FNDC7: variants seen among roughly 807,000 people sequenced by gnomAD.
The protein encoded by FNDC7 is fibronectin type III domain-containing protein 7.
FNDC7 carries 66 observed loss-of-function variants against 74.2 expected under a neutral mutation model. That is an observed-to-expected ratio of 0.89 (90% CI 0.73 to 1.09). FNDC7 has a LOEUF of 1.09. Among genes scored for constraint, FNDC7 ranks in the 50% least tolerant of loss-of-function variants. FNDC7 has a pLI of 0.00. For synonymous variants in FNDC7, 307 were observed against 330.2 expected, an observed-to-expected ratio of 0.93 and a Z score of 0.76; for missense variants, 829 against 893.4, an observed-to-expected ratio of 0.93 and a Z score of 0.92.
chr1:108,716,557 G>A (rs559749408), intron 2 of FNDC7, among the ~76,000 whole-genome samples: 2 of 152,250 alleles, frequency 1.3e-5, no homozygotes, highest in East Asian at 3.9e-4. Flanking sequence ...CCTGGGTGAT[G>A]TTCAAGGAAT....
Position 108,724,023 on chromosome 1 carries a change from A to G in FNDC7, c.856+1431A>G, listed in dbSNP as rs555103232. Among the ~76,000 whole-genome samples the G allele has an allele frequency of 3.9e-5, 6 of 152,354 alleles. No homozygotes were observed. In the East Asian group the frequency reaches 7.7e-4, roughly 20 times the overall value. ...ATTAATAAAAGAACTATGTTTACAA[A>G]CTACGGTGTGTCTCCTGGGGCCCAG... On this transcript the variant is annotated intron_variant, in intron 5 of 12. Transcript: ENST00000370017.
At chr1:108,714,654 G>C (rs562328675) in intron 2 of FNDC7, among the ~76,000 whole-genome samples, 1 of 132,214 alleles carries the variant, frequency 7.6e-6, no homozygotes, top group South Asian at 2.6e-4. Flanking sequence ...GCCCAGGCTG[G>C]AGTGCAGTGG....
intron 12 of FNDC7, 30 bp from the exon 13 acceptor site, chr1:108,741,895 G>C: frequency 1.5e-6 from 2 of 1,299,420 alleles, no homozygotes; most frequent in South Asian, 1.2e-5. Flanking sequence ...TTTTGTCTTT[G>C]TTTAAAATGT....
chr1:108,737,523 G>T lies in FNDC7; in HGVS notation c.2169G>T (p.Met723Ile). Residue 723 changes from methionine to isoleucine, a missense_variant and splice_region_variant, in exon 11 of 13, where the codon ATG becomes ATT. Physicochemically the swap from Met to Ile is conservative, Grantham distance 10. Transcript: ENST00000370017. ...SVTCSGSTLG[M>I]VIYRGKRNEE The stretch of plus-strand genomic sequence containing the variant: ...CTTGCTCTGGAAGTACACTTGGAAT[G>T]GGTAAGTCATTTTTCTCATGGATAA... The T allele has an allele frequency of 6.3e-7, 1 of 1,589,872 alleles. No homozygotes were observed. Among genetic ancestry groups the T allele is most frequent in the South Asian group, 1.2e-5 (1 of 85,774 alleles).
intron 9 of FNDC7, among the ~76,000 whole-genome samples, chr1:108,732,894 C>T (rs111816441): frequency 2.6e-4 from 40 of 152,168 alleles, no homozygotes; most frequent in African/African-American, 9.4e-4. Flanking sequence ...CTGCCTCATC[C>T]TCCCAAGGGG....
rs1274676169 is a variant in FNDC7 at position 108,713,573 on chromosome 1, T to G, written c.82+44T>G. The G allele has an allele frequency of 2.0e-6, 3 of 1,510,340 alleles. No homozygotes were observed. In the African/African-American group the frequency reaches 4.2e-5, roughly 21 times the overall value. 93.6% of individuals were successfully genotyped at this position (1,510,340 alleles called of 1,614,324 possible). A position where few individuals can be genotyped will look rare whatever the true frequency, so the allele number is the denominator to read the frequency against. Reference sequence around the variant, plus strand: ...CAAGTTTTTCCTTCTCGTATTTGATTTTAATTTCCATTGTTAATTCACGGG... The same window carrying G: ...CAAGTTTTTCCTTCTCGTATTTGATGTTAATTTCCATTGTTAATTCACGGG... On this transcript the variant is annotated intron_variant, in intron 2 of 12. Coordinates refer to ENST00000370017, the MANE Select transcript of FNDC7 (RefSeq NM_001144937.3).
Position 108,725,817 on chromosome 1 carries a change from C to T in FNDC7, c.924C>T (p.Ser308=), listed in dbSNP as rs1306159128. ...CTGGCCACCTGTCTGTGGCTTGGTC[C>T]AGTGTAGATCTGGGTGACTACTATG... ...DPPGHLSVAW[S]SVDLGDYYVV... The change falls in exon 6 of 13, where the codon TCC becomes TCT. Residue 308 remains serine, a synonymous_variant. Transcript: ENST00000370017. The T allele has an allele frequency of 6.2e-7, 1 of 1,614,150 alleles. No individual in the cohort carries two copies.
intron 2 of FNDC7, 57 bp downstream of exon 2, chr1:108,713,586 G>T (rs1660916492): frequency 1.4e-6 from 2 of 1,433,244 alleles, no homozygotes; most frequent in Non-Finnish European, 1.9e-6. Context: ...AATTTCCATT[G>T]TTAATTCACG....
intron 6 of FNDC7, 121 bp from the exon 7 acceptor site, chr1:108,727,687 C>A (rs1006327310): frequency 8.4e-7 from 1 of 1,191,186 alleles, no homozygotes. Context: ...CATAGGGAGT[C>A]ACTGTAGTCA....
rs929598818 is a variant in FNDC7, at chr1:108,728,041, T to C, written c.1345T>C (p.Cys449Arg). 3 of 1,614,126 alleles carry C rather than the reference T, an allele frequency of 1.9e-6. No individual in the cohort carries two copies. The highest frequency in any genetic ancestry group is 1.3e-5 in the African/African-American group (1 of 75,034). Residue 449 changes from cysteine (C) to arginine (R), a missense_variant, in exon 7 of 13, where the codon TGT (cysteine) becomes CGT (arginine). Transcript: ENST00000370017. The part of the protein sequence containing the change: ...FNEVRGSNMS[C>R]TPQFITTAPC... ...TGAAGTCCGAGGCAGCAATATGTCA[T>C]GTACTCCCCAGTTCATAACCACAGG...
intron 6 of FNDC7, among the ~76,000 whole-genome samples, chr1:108,727,372 CTG>C (rs1661242646): frequency 6.6e-6 from 1 of 152,084 alleles, no homozygotes; most frequent in Admixed American, 6.6e-5. Flanking sequence ...ACTTATATAA[CTG>C]TGAGCCCTAC....
Position 108,724,922 on chromosome 1 carries a change from A to C in FNDC7, c.857-828A>C, listed in dbSNP as rs150700524. ...ATGGTGAAACTTTGTCTCTACTAAA[A>C]GTACAAAAATTAGTTGGGCATGGTG... On this transcript the variant is annotated intron_variant, in intron 5 of 12. Transcript: ENST00000370017. Among the ~76,000 whole-genome samples, 247 of 151,996 alleles carry C rather than the reference A, an allele frequency of 1.6e-3. 4 individuals are homozygous for C. In the East Asian group the frequency reaches 0.028, roughly 17 times the overall value.
At chr1:108,722,708 T>A in intron 5 of FNDC7, 116 bp downstream of exon 5, 2 of 1,113,506 alleles carry the variant, frequency 1.8e-6, no homozygotes, top group Non-Finnish European at 1.2e-6. Flanking sequence ...AAGCCTGGTC[T>A]AAATGAAAGC....
At chr1:108,717,265 C>T (rs1365721840) in intron 2 of FNDC7, among the ~76,000 whole-genome samples, 2 of 152,150 alleles carry the variant, frequency 1.3e-5, no homozygotes, top group African/African-American at 2.4e-5. Flanking sequence ...ATCTGGAAAA[C>T]GTGCAAAGTG....
chr1:108,729,294 A>G (rs981243539), intron 8 of FNDC7, among the ~76,000 whole-genome samples: 5 of 152,212 alleles, frequency 3.3e-5, no homozygotes, highest in African/African-American at 1.2e-4. Flanking sequence ...TCACGCCTGT[A>G]ATCCCAGCAC....
chr1:108,723,935 T>C (rs981011921), intron 5 of FNDC7, among the ~76,000 whole-genome samples: 1 of 152,226 alleles, frequency 6.6e-6, no homozygotes, highest in East Asian at 1.9e-4. Flanking sequence ...ACTTAACAGG[T>C]CCAGGATGTT....
Position 108,718,006 on chromosome 1 carries a change from G to A in FNDC7, c.312G>A (p.Ala104=), listed in dbSNP as rs190038007. The A allele has an allele frequency of 2.0e-5, 31 of 1,551,678 alleles. No individual in the cohort carries two copies. Among genetic ancestry groups the A allele is most frequent in the Non-Finnish European group, 2.4e-5 (27 of 1,146,998 alleles). Residue 104 remains alanine, a synonymous_variant, in exon 3 of 13, where the codon GCG becomes GCA. Transcript: ENST00000370017. ...RSISAAGRSQ[A]SPPKQAKTVL... is the part of the protein sequence containing the mutation. The stretch of plus-strand genomic sequence containing the variant: ...TCAGCGCTGCTGGGAGAAGCCAGGC[G>A]TCACCTCCAAAGCAGGCAAAGACAG...
At chr1:108,718,470 G>A (rs1170927331) in intron 3 of FNDC7, among the ~76,000 whole-genome samples, 2 of 152,178 alleles carry the variant, frequency 1.3e-5, no homozygotes, top group Non-Finnish European at 2.9e-5. Flanking sequence ...GAAAAGTTAT[G>A]TGCACATTAA....
At chr1:108,730,231 G>T (rs1661311887) in intron 8 of FNDC7, among the ~76,000 whole-genome samples, 1 of 152,060 alleles carries the variant, frequency 6.6e-6, no homozygotes, top group South Asian at 2.1e-4. Context: ...ACAAAAATTA[G>T]CTGGGCATGG....
Sources: gnomAD v4.1 joint callset for allele counts (sites outside exome capture counted in the v4.1 genomes callset) on GRCh38, gnomAD v4.1.1 for gene constraint, MANE v1.5 for transcripts, NCBI Gene and HGNC (gene_info 2026-07-23, HGNC 2026-07-21) for gene names.